ARHGAP6: variants seen among roughly 807,000 people sequenced by gnomAD.
The protein encoded by ARHGAP6 is Rho GTPase activating protein 6, also known as rho GTPase-activating protein 6.
In ARHGAP6, 16 loss-of-function variants were observed where a neutral mutation model predicts 55.7. The ratio of observed to expected loss-of-function variants is 0.29; its 90% CI spans 0.19 to 0.44. The LOEUF is 0.44. ARHGAP6 is among the 20% of genes least tolerant of loss of function. ARHGAP6 has a pLI of 1.00. For missense variants in ARHGAP6, 698 were observed against 808.9 expected, an observed-to-expected ratio of 0.86 and a Z score of 1.66; for synonymous variants, 382 against 360.9, an observed-to-expected ratio of 1.06 and a Z score of -0.66.
At chrX:11,491,532 A>G (rs1417112282) in intron 1 of ARHGAP6, among the ~76,000 whole-genome samples, 1 of 111,975 alleles carries the variant, frequency 8.9e-6, no homozygotes. Context: ...GTCCCTACAA[A>G]GGACATGAAC....
intron 1 of ARHGAP6, among the ~76,000 whole-genome samples, chrX:11,607,665 C>T (rs2052051302): frequency 1.8e-5 from 2 of 112,036 alleles, no homozygotes; most frequent in Non-Finnish European, 3.8e-5. Flanking sequence ...TTAAAATAGC[C>T]GTGAAGGAAT....
At chrX:11,487,746 TGAATA>T (rs1371263561) in intron 1 of ARHGAP6, among the ~76,000 whole-genome samples, 1 of 111,628 alleles carries the variant, frequency 9.0e-6, no homozygotes, top group Non-Finnish European at 1.9e-5. Context: ...TCTAACCCAC[TGAATA>T]GAATAGGAAT....
intron 1 of ARHGAP6, among the ~76,000 whole-genome samples, chrX:11,504,455 A>T (rs1242929590): frequency 9.0e-6 from 1 of 111,463 alleles, no homozygotes; most frequent in African/African-American, 3.3e-5. Context: ...ATGTCTCCAG[A>T]TCTTGCCAAA....
intron 1 of ARHGAP6, among the ~76,000 whole-genome samples, chrX:11,428,915 G>A (rs2049916685): frequency 8.9e-6 from 1 of 111,748 alleles, no homozygotes; most frequent in Non-Finnish European, 1.9e-5. Flanking sequence ...CTGGAAAACT[G>A]GATGGTTATA....
At chrX:11,139,616 T>A in intron 12 of ARHGAP6, 86 bp from the exon 13 acceptor site, 1 of 978,040 alleles carries the variant, frequency 1.0e-6, no homozygotes, top group Non-Finnish European at 1.3e-6. Context: ...TCCTTCCCAC[T>A]TCTACGACGT....
At chrX:11,516,969 T>C (rs772076685) in intron 1 of ARHGAP6, among the ~76,000 whole-genome samples, 2 of 111,460 alleles carry the variant, frequency 1.8e-5, no homozygotes, top group South Asian at 3.8e-4. Flanking sequence ...TCTTGGAAAA[T>C]AATCTTCTAT....
At chrX:11,358,607 G>A (rs1256748749) in intron 1 of ARHGAP6, among the ~76,000 whole-genome samples, 3 of 109,410 alleles carry the variant, frequency 2.7e-5, no homozygotes, top group Non-Finnish European at 3.8e-5. Flanking sequence ...AGCCTCCCGA[G>A]TAGCTGGGAT....
intron 1 of ARHGAP6, among the ~76,000 whole-genome samples, chrX:11,274,441 T>G (rs2047731883): frequency 9.0e-6 from 1 of 111,348 alleles, no homozygotes; most frequent in African/African-American, 3.3e-5. Context: ...GACAGTATGA[T>G]CCGCAACACC....
At chrX:11,318,042 C>A (rs913029837) in intron 1 of ARHGAP6, among the ~76,000 whole-genome samples, 2 of 112,205 alleles carry the variant, frequency 1.8e-5, no homozygotes, top group African/African-American at 6.5e-5. Flanking sequence ...TTTCTTATAG[C>A]CACATACCCT....
intron 1 of ARHGAP6, among the ~76,000 whole-genome samples, chrX:11,360,197 C>T (rs1022236176): frequency 1.8e-5 from 2 of 111,747 alleles, no homozygotes; most frequent in African/African-American, 6.5e-5. Context: ...GGCAGAGACA[C>T]AACCAACAAA....
intron 1 of ARHGAP6, among the ~76,000 whole-genome samples, chrX:11,268,830 G>A (rs2047659214): frequency 9.0e-6 from 1 of 111,521 alleles, no homozygotes; most frequent in African/African-American, 3.3e-5. Context: ...GGGATGCCAA[G>A]CCCATTCTGG....
At chrX:11,257,491 A>G (rs1396386623) in intron 1 of ARHGAP6, among the ~76,000 whole-genome samples, 2 of 112,457 alleles carry the variant, frequency 1.8e-5, no homozygotes, top group Non-Finnish European at 3.8e-5. Context: ...TATTTACAAA[A>G]ACAGCAGGCT....
chrX:11,191,718 T>G (rs763889315), intron 3 of ARHGAP6, among the ~76,000 whole-genome samples: 2 of 111,731 alleles, frequency 1.8e-5, no homozygotes, highest in South Asian at 7.5e-4. Context: ...CATTAGATTC[T>G]AAAGCAGCTC....
chrX:11,227,105 G>A (rs1298010332), intron 2 of ARHGAP6, among the ~76,000 whole-genome samples: 1 of 111,994 alleles, frequency 8.9e-6, no homozygotes, highest in African/African-American at 3.2e-5. Flanking sequence ...TACACTAACT[G>A]AGATGTGTTA....
Position 11,185,322 on chromosome X carries a change from T to A in ARHGAP6, c.1273+914A>T, listed in dbSNP as rs1229911510. ...TAAGATTTTGCTACATTAGTTTTAT[T>A]AGGTCATCCATATGTTATCCTATGA... On this transcript the variant is annotated intron_variant, in intron 5 of 12. Transcript: ENST00000337414. Among the ~76,000 whole-genome samples the A allele has an allele frequency of 2.7e-5, 3 of 112,182 alleles. No homozygotes were observed. The East Asian group carries it at 8.3e-4, about 31-fold the overall frequency.
At chrX:11,613,916 T>C (rs181153772) in intron 1 of ARHGAP6, among the ~76,000 whole-genome samples, 2 of 112,160 alleles carry the variant, frequency 1.8e-5, no homozygotes, top group African/African-American at 3.2e-5. Context: ...TACTTTTAGC[T>C]GGGCCTTTTC....
intron 9 of ARHGAP6, chrX:11,169,143 A>T (rs1465249524): frequency 7.4e-6 from 1 of 134,372 alleles, no homozygotes; most frequent in African/African-American, 3.2e-5. Flanking sequence ...AGGAGGTGAA[A>T]CCACTGAGGA....
chrX:11,256,904 G>T (rs889446713), intron 1 of ARHGAP6, among the ~76,000 whole-genome samples: 1 of 111,727 alleles, frequency 9.0e-6, no homozygotes, highest in Non-Finnish European at 1.9e-5. Context: ...GTGGGGAGAG[G>T]AGTGAGTGAG....
chrX:11,357,885 T>C (rs1326627725), intron 1 of ARHGAP6, among the ~76,000 whole-genome samples: 1 of 111,965 alleles, frequency 8.9e-6, no homozygotes. Context: ...TTCTTTAAAA[T>C]TGAGATATAA....
Sources: gnomAD v4.1 joint callset for allele counts (sites outside exome capture counted in the v4.1 genomes callset) on GRCh38, gnomAD v4.1.1 for gene constraint, MANE v1.5 for transcripts, NCBI Gene and HGNC (gene_info 2026-07-23, HGNC 2026-07-21) for gene names.